LRP1B: variants seen among roughly 807,000 people sequenced by gnomAD.
The protein encoded by LRP1B is LDL receptor related protein 1B.
Under a neutral mutation model 556.6 loss-of-function variants are expected in LRP1B, and 217 were observed. The ratio of observed to expected loss-of-function variants is 0.39; its 90% confidence interval spans 0.35 to 0.44. The LOEUF (loss-of-function observed/expected upper bound fraction) is 0.44, where lower values mean the gene tolerates loss of function less well. Among genes scored for constraint, LRP1B ranks in the 20% least tolerant of loss-of-function variants. The pLI, the probability that LRP1B is intolerant of heterozygous loss-of-function variation, is 1.00. For missense variants in LRP1B, 5,053 were observed against 5,620.8 expected, an observed-to-expected ratio of 0.90 and a Z score of 3.23; for synonymous variants, 2,047 against 1,865.8, an observed-to-expected ratio of 1.10 and a Z score of -2.50.
chr2:142,053,084 A>G (rs1373031951), intron 1 of LRP1B, among the ~76,000 whole-genome samples: 1 of 152,132 alleles, frequency 6.6e-6, no homozygotes, highest in Non-Finnish European at 1.5e-5. Context: ...AAAATAAATA[A>G]GATCCTTTGT....
At chr2:140,483,640 AT>A (rs1178469364) in intron 59 of LRP1B, among the ~76,000 whole-genome samples, 1,520 of 70,594 alleles carry the variant, frequency 0.022, 21 homozygotes, top group East Asian at 0.1. Context: ...ATATATATAT[AT>A]TTTTTTTTTT....
chr2:141,308,012 G>A (rs982484499), intron 3 of LRP1B, among the ~76,000 whole-genome samples: 1 of 152,148 alleles, frequency 6.6e-6, no homozygotes, highest in Admixed American at 6.5e-5. Flanking sequence ...ATGTGCAGGT[G>A]AGTTGCAGCA....
chr2:140,453,640 G>GA (rs773541643), intron 62 of LRP1B, among the ~76,000 whole-genome samples: 4 of 151,036 alleles, frequency 2.6e-5, no homozygotes, highest in Non-Finnish European at 4.4e-5. Context: ...AAGCTTAAGT[G>GA]AAGCCATTAT....
intron 3 of LRP1B, among the ~76,000 whole-genome samples, chr2:141,259,149 G>T (rs939259864): frequency 2.0e-5 from 3 of 152,136 alleles, no homozygotes; most frequent in Non-Finnish European, 4.4e-5. Flanking sequence ...AGATATCTTT[G>T]TATTATTAAT....
At chr2:140,493,960 T>A (rs1326882429) in intron 56 of LRP1B, among the ~76,000 whole-genome samples, 1 of 152,176 alleles carries the variant, frequency 6.6e-6, no homozygotes, top group Non-Finnish European at 1.5e-5. Context: ...GAGTTGAAGG[T>A]GCCTTGCCAC....
chr2:141,424,129 T>TTTTTTTTTTTTGTTTTTC, intron 3 of LRP1B, among the ~76,000 whole-genome samples: 1 of 151,362 alleles, frequency 6.6e-6, no homozygotes, highest in Non-Finnish European at 1.5e-5. Context: ...TTTTTTTTTT[T>TTTTTTTTTTTTGTTTTTC]TGAGATGGGG....
chr2:141,760,458 A>G (rs1185794002), intron 2 of LRP1B, among the ~76,000 whole-genome samples: 1 of 152,198 alleles, frequency 6.6e-6, no homozygotes, highest in Admixed American at 6.5e-5. Context: ...ACAAAAACAT[A>G]TTTGTTCAAA....
chr2:141,386,055 A>AT (rs1043911237), intron 3 of LRP1B, among the ~76,000 whole-genome samples: 1 of 152,176 alleles, frequency 6.6e-6, no homozygotes, highest in Non-Finnish European at 1.5e-5. Flanking sequence ...GATGGCTAAG[A>AT]TAGTGACAGC....
intron 3 of LRP1B, among the ~76,000 whole-genome samples, chr2:141,330,258 T>C (rs1179439382): frequency 6.6e-6 from 1 of 152,164 alleles, no homozygotes; most frequent in Non-Finnish European, 1.5e-5. Context: ...ATTACATTTT[T>C]AAAAATATAA....
At chr2:141,523,740 G>T (rs1247507057) in intron 2 of LRP1B, among the ~76,000 whole-genome samples, 2 of 151,936 alleles carry the variant, frequency 1.3e-5, no homozygotes, top group Non-Finnish European at 1.5e-5. Flanking sequence ...TTTAGTGGCT[G>T]CCCAGAAAAG....
At chr2:141,982,057 G>T (rs1702057824) in intron 1 of LRP1B, among the ~76,000 whole-genome samples, 2 of 152,064 alleles carry the variant, frequency 1.3e-5, no homozygotes, top group South Asian at 2.1e-4. Context: ...AAAATTTTGG[G>T]GGGATTCAGA....
intron 2 of LRP1B, among the ~76,000 whole-genome samples, chr2:141,697,563 C>CA (rs1303264696): frequency 1.3e-5 from 2 of 152,018 alleles, no homozygotes; most frequent in East Asian, 3.9e-4. Context: ...GTAAAGATAA[C>CA]AATCAATTAG....
chr2:140,639,651 G>C (rs2105295118), intron 41 of LRP1B, among the ~76,000 whole-genome samples: 1 of 152,212 alleles, frequency 6.6e-6, no homozygotes, highest in African/African-American at 2.4e-5. Flanking sequence ...TTTTCCTTCA[G>C]TCTCTTTTTC....
chr2:140,506,905 T>G lies in LRP1B; in HGVS notation c.8412A>C (p.Thr2804=). Residue 2804 remains threonine (T), a synonymous_variant, in exon 53 of 91, where the codon ACA becomes ACC. Transcript: ENST00000389484. ...LSTAGCAPNN[T]CDENAFMCHN... ...GGCACATGAAAGCATTTTCATCACATGTATTATTGGGAGCTAAGAAAGGCA... is the reference window on the plus strand; with the variant it reads ...GGCACATGAAAGCATTTTCATCACAGGTATTATTGGGAGCTAAGAAAGGCA... The G allele has an allele frequency of 6.2e-7, 1 of 1,613,848 alleles. No homozygotes were observed. The highest frequency in any genetic ancestry group is 8.5e-7 in the Non-Finnish European group (1 of 1,179,888).
At chr2:140,829,151 AG>A (rs1691629354) in intron 31 of LRP1B, among the ~76,000 whole-genome samples, 1 of 152,156 alleles carries the variant, frequency 6.6e-6, no homozygotes, top group South Asian at 2.1e-4. Context: ...ATAAATCTAA[AG>A]GGAGAGAGAG....
intron 2 of LRP1B, among the ~76,000 whole-genome samples, chr2:141,740,835 T>A (rs1426521832): frequency 1.3e-5 from 2 of 152,074 alleles, no homozygotes; most frequent in Non-Finnish European, 2.9e-5. Flanking sequence ...ATGGAGCAAA[T>A]CAGATTGAAA....
chr2:141,174,964 C>T (rs1216339692), intron 7 of LRP1B, among the ~76,000 whole-genome samples: 1 of 152,134 alleles, frequency 6.6e-6, no homozygotes, highest in East Asian at 1.9e-4. Flanking sequence ...GTAAAGATCA[C>T]TCTTGCTATT....
intron 7 of LRP1B, among the ~76,000 whole-genome samples, chr2:141,187,607 C>T (rs1681315246): frequency 6.6e-6 from 1 of 152,022 alleles, no homozygotes; most frequent in African/African-American, 2.4e-5. Flanking sequence ...GTAGTGACTG[C>T]TGAAAGAACT....
At chr2:141,623,918 G>C (rs1300248221) in intron 2 of LRP1B, among the ~76,000 whole-genome samples, 1 of 150,442 alleles carries the variant, frequency 6.6e-6, no homozygotes, top group Non-Finnish European at 1.5e-5. Flanking sequence ...GGGAGGCTGA[G>C]GCAGGATAAT....
Sources: allele counts gnomAD v4.1 joint callset (sites outside exome capture counted in the v4.1 genomes callset), GRCh38; gene constraint gnomAD v4.1.1; transcripts MANE v1.5; gene names NCBI Gene and HGNC (gene_info 2026-07-23, HGNC 2026-07-21).